Variants in IL1RAPL1 observed in about 807,000 individuals in gnomAD.
IL1RAPL1 encodes interleukin-1 receptor accessory protein-like 1.
A neutral mutation model predicts 48.4 loss-of-function variants in IL1RAPL1; 3 were observed. The ratio of observed to expected loss-of-function variants is 0.06; its 90% CI spans 0.03 to 0.16. The LOEUF (loss-of-function observed/expected upper bound fraction) is 0.16. Among genes scored for constraint, IL1RAPL1 ranks in the 10% least tolerant of loss-of-function variants. IL1RAPL1 has a pLI of 1.00. For synonymous variants in IL1RAPL1, 185 were observed against 187.7 expected (o/e 0.99, Z 0.12); for missense variants, 349 against 530.6 (o/e 0.66, Z 3.36).
intron 2 of IL1RAPL1, among the ~76,000 whole-genome samples, chrX:29,164,960 C>A (rs1929758039): frequency 8.9e-6 from 1 of 111,895 alleles, no homozygotes; most frequent in East Asian, 2.8e-4. Flanking sequence ...TCAGTTCTTT[C>A]TGTACTATGC....
chrX:29,213,979 A>G (rs758580762), intron 2 of IL1RAPL1, among the ~76,000 whole-genome samples: 293 of 111,699 alleles, frequency 2.6e-3, no homozygotes, highest in Middle Eastern at 4.6e-3. Context: ...CTCATAGATA[A>G]TTCCCAAGTA....
chrX:29,228,155 T>C (rs906094085), intron 2 of IL1RAPL1, among the ~76,000 whole-genome samples: 4 of 98,799 alleles, frequency 4.0e-5, no homozygotes. Flanking sequence ...TGCCTTCTTA[T>C]AACCATCTCC....
chrX:28,761,106 A>C (rs1422620061), intron 1 of IL1RAPL1, among the ~76,000 whole-genome samples: 4 of 109,566 alleles, frequency 3.7e-5, no homozygotes, highest in Non-Finnish European at 7.6e-5. Flanking sequence ...AAAAAGTCAA[A>C]AAAGAACAGA....
At chrX:28,866,230 A>C (rs934172757) in intron 2 of IL1RAPL1, among the ~76,000 whole-genome samples, 1 of 112,437 alleles carries the variant, frequency 8.9e-6, no homozygotes, top group African/African-American at 3.2e-5. Flanking sequence ...ATTTGCAGCA[A>C]CCTGGATGGA....
chrX:29,391,706 C>G (rs1035711145), intron 3 of IL1RAPL1, among the ~76,000 whole-genome samples: 2 of 111,492 alleles, frequency 1.8e-5, no homozygotes, highest in African/African-American at 3.3e-5. Flanking sequence ...GGGTAGGTAA[C>G]TTTCTTTTGT....
chrX:29,483,500 AC>A (rs1935062343), intron 5 of IL1RAPL1, among the ~76,000 whole-genome samples: 1 of 111,670 alleles, frequency 9.0e-6, no homozygotes, highest in Admixed American at 9.5e-5. Context: ...TCTTTGCATT[AC>A]AGTAGTATAT....
In IL1RAPL1 at chrX:28,755,588, C is replaced by T. The variant is rs981541555; in HGVS notation, c.-24-33732C>T. 2.7e-5 allele frequency among the ~76,000 whole-genome samples: 3 copies of T among 111,716 alleles called. No individual in the cohort carries two copies. The South Asian group carries it at 1.1e-3, about 42-fold the overall frequency. ...TCATTTGTAACACATCTCTCCCTAT[C>T]ACATTAAGCTCTCTTCTTTGTATGA... On this transcript the variant is annotated intron_variant, in intron 1 of 10. Transcript: ENST00000378993.
intron 6 of IL1RAPL1, among the ~76,000 whole-genome samples, chrX:29,820,025 A>G (rs1361029738): frequency 9.4e-6 from 1 of 106,696 alleles, no homozygotes; most frequent in East Asian, 2.8e-4. Context: ...TTTATCTTCT[A>G]ACAGCTTTAT....
In IL1RAPL1 at chrX:28,663,171, A is replaced by C. The variant is rs148549447; in HGVS notation, c.-25+75124A>C. 1.5e-3 allele frequency among the ~76,000 whole-genome samples: 163 copies of C among 112,365 alleles called. 3 individuals carry two copies. In the East Asian group the frequency reaches 0.031, roughly 22 times the overall value. On this transcript the variant is annotated intron_variant, in intron 1 of 10. Coordinates refer to ENST00000378993, the MANE Select transcript of IL1RAPL1 (RefSeq NM_014271.4). ...CCATGAGCAGGTCTTACCCCCGCCTAGACAAGTTCATAGTCCTCCCTAAAG... is the reference window on the plus strand; with the variant it reads ...CCATGAGCAGGTCTTACCCCCGCCTCGACAAGTTCATAGTCCTCCCTAAAG...
chrX:29,405,894 T>C (rs1311974006), intron 5 of IL1RAPL1, among the ~76,000 whole-genome samples: 6 of 109,011 alleles, frequency 5.5e-5, no homozygotes, highest in African/African-American at 2.1e-4. Flanking sequence ...ATACATATAT[T>C]ATGCCTTTTG....
chrX:29,912,527 A>AAACAGAAATAT (rs1932765364), intron 6 of IL1RAPL1, among the ~76,000 whole-genome samples: 2 of 111,961 alleles, frequency 1.8e-5, no homozygotes, highest in Non-Finnish European at 3.8e-5. Context: ...TATTATGATA[A>AAACAGAAATAT]AACAGAAATA....
At chrX:29,889,909 T>TTA (rs751496040) in intron 6 of IL1RAPL1, among the ~76,000 whole-genome samples, 1,862 of 110,020 alleles carry the variant, frequency 0.017, 34 homozygotes, top group African/African-American at 0.058. Context: ...ATGAAATTTG[T>TTA]TATATATATA....
intron 2 of IL1RAPL1, among the ~76,000 whole-genome samples, chrX:28,803,529 G>A (rs2147272328): frequency 8.9e-6 from 1 of 111,924 alleles, no homozygotes; most frequent in East Asian, 2.8e-4. Context: ...TTTTTTTAAA[G>A]TGAAAAATTT....
chrX:29,892,910 A>C (rs1932298277), intron 6 of IL1RAPL1, among the ~76,000 whole-genome samples: 1 of 112,176 alleles, frequency 8.9e-6, no homozygotes, highest in South Asian at 3.7e-4. Flanking sequence ...ACAATCTGTT[A>C]AGTAAAGAAG....
Position 28,790,851 on chromosome X carries a change from T to TA in IL1RAPL1, c.82+1427dup, listed in dbSNP as rs773099548. Among the ~76,000 whole-genome samples, 20 of 111,507 alleles carry TA rather than the reference T, an allele frequency of 1.8e-4. 1 individual carries two copies. The highest frequency in any genetic ancestry group is 3.6e-4 in the Non-Finnish European group (19 of 53,069). The stretch of plus-strand genomic sequence containing the variant: ...TACAATTGAGCATAACCAAGAGAGT[T>TA]AGAGTAGGTAGAAAGAGGGGTAAAT... On this transcript the variant is annotated intron_variant, in intron 2 of 10. Transcript: ENST00000378993.
At chrX:29,741,634 A>C (rs1456939342) in intron 6 of IL1RAPL1, among the ~76,000 whole-genome samples, 1 of 110,043 alleles carries the variant, frequency 9.1e-6, no homozygotes, top group Non-Finnish European at 1.9e-5. Context: ...AAAGCCTCAT[A>C]TTTTGGCTGG....
chrX:29,295,537 A>C (rs1318538885), intron 3 of IL1RAPL1, among the ~76,000 whole-genome samples: 2 of 112,015 alleles, frequency 1.8e-5, no homozygotes, highest in East Asian at 5.6e-4. Flanking sequence ...ACAGAGTAAA[A>C]TCTTTTGATT....
At chrX:28,884,827 G>A (rs938716741) in intron 2 of IL1RAPL1, among the ~76,000 whole-genome samples, 3 of 111,515 alleles carry the variant, frequency 2.7e-5, no homozygotes, top group African/African-American at 9.7e-5. Context: ...CAAAGTATAA[G>A]TATCTCACAT....
intron 2 of IL1RAPL1, among the ~76,000 whole-genome samples, chrX:29,257,732 G>A (rs1931781052): frequency 9.0e-6 from 1 of 111,680 alleles, no homozygotes; most frequent in Non-Finnish European, 1.9e-5. Context: ...TTTCACCGCT[G>A]GAATGCTGAC....
Sources: gnomAD v4.1 joint callset for allele counts (sites outside exome capture counted in the v4.1 genomes callset) on GRCh38, gnomAD v4.1.1 for gene constraint, MANE v1.5 for transcripts, NCBI Gene and HGNC (gene_info 2026-07-23, HGNC 2026-07-21) for gene names.